The following CCDC171 variants were observed in gnomAD, a reference collection of about 807,000 sequenced individuals.
CCDC171 encodes coiled-coil domain-containing protein 171.
Under a neutral mutation model 168.2 loss-of-function variants are expected in CCDC171, and 177 were observed. The ratio of observed to expected loss-of-function variants is 1.05; its 90% CI spans 0.93 to 1.19. The LOEUF is 1.19. CCDC171 is among the 50% of genes most tolerant of loss of function. CCDC171 has a pLI of 0.00. For synonymous variants in CCDC171, 687 were observed against 540.8 expected (o/e 1.27, Z -3.75); for missense variants, 1,991 against 1,539.0 (o/e 1.29, Z -4.91).
At chr9:16,050,069 T>C (rs1330489666) in intron 1 of CCDC171, among the ~76,000 whole-genome samples, 1 of 152,136 alleles carries the variant, frequency 6.6e-6, no homozygotes, top group Non-Finnish European at 1.5e-5. Context: ...GTATTTTTAG[T>C]AGGGACAGAG....
chr9:15,647,843 T>G (rs964277174), intron 7 of CCDC171, among the ~76,000 whole-genome samples: 4 of 152,136 alleles, frequency 2.6e-5, no homozygotes, highest in Non-Finnish European at 5.9e-5. Context: ...TACCATTCCT[T>G]TTGAAACTAT....
intron 16 of CCDC171, among the ~76,000 whole-genome samples, chr9:15,741,327 T>A (rs1380230252): frequency 6.6e-6 from 1 of 152,174 alleles, no homozygotes; most frequent in African/African-American, 2.4e-5. Context: ...ACCAAAAATG[T>A]GTTTTCTGTG....
At chr9:16,035,094 A>G (rs763967105) in intron 6 of CCDC171, among the ~76,000 whole-genome samples, 1 of 152,198 alleles carries the variant, frequency 6.6e-6, no homozygotes, top group Non-Finnish European at 1.5e-5. Context: ...AAACTTAGGT[A>G]AAGCAGCATT....
the CCDC171 span, among the ~76,000 whole-genome samples, chr9:16,071,596 C>G: frequency 1.3e-5 from 2 of 152,226 alleles, no homozygotes; most frequent in African/African-American, 4.8e-5. Flanking sequence ...CACAAGCACA[C>G]GAGCACAGCT....
In CCDC171 at chr9:15,744,405, C is replaced by G. The variant is rs1293313832; in HGVS notation, c.2182C>G (p.Leu728Val). The change falls in exon 17 of 26, where the codon CTG (leucine) becomes GTG (valine). Residue 728 changes from leucine (L) to valine (V), a missense_variant. Physicochemically the swap from Leu to Val is conservative, Grantham distance 32. Transcript: ENST00000380701. ...GACTCAAAGGGAACAGATGTCCTTG[C>G]TGGCAGCCTGTGCATTAATGGCTGG... is the stretch of plus-strand genomic sequence containing the variant. ...SQTQREQMSL[L>V]AACALMAGAL... is the part of the protein sequence containing the mutation. 1 of 1,614,188 alleles carries G rather than the reference C, an allele frequency of 6.2e-7. No homozygotes were observed. The highest frequency in any genetic ancestry group is 8.5e-7 in the Non-Finnish European group (1 of 1,180,024).
At chr9:15,570,079 C>T (rs1185583996) in intron 2 of CCDC171, among the ~76,000 whole-genome samples, 1 of 152,008 alleles carries the variant, frequency 6.6e-6, no homozygotes, top group Non-Finnish European at 1.5e-5. Context: ...CAAGGATTCT[C>T]CTGCCTTTGC....
At chr9:15,951,009 G>A (rs1469776220) in intron 25 of CCDC171, among the ~76,000 whole-genome samples, 3 of 150,504 alleles carry the variant, frequency 2.0e-5, no homozygotes, top group African/African-American at 7.3e-5. Context: ...AACCAACAAA[G>A]ATCAAAAGAG....
intron 21 of CCDC171, among the ~76,000 whole-genome samples, chr9:15,838,930 C>A (rs1475201427): frequency 6.6e-6 from 1 of 152,036 alleles, no homozygotes; most frequent in African/African-American, 2.4e-5. Context: ...GCTAGGCAGT[C>A]AAATTTTAAG....
the CCDC171 span, among the ~76,000 whole-genome samples, chr9:16,092,537 T>G: frequency 5.9e-5 from 9 of 152,112 alleles, no homozygotes; most frequent in Non-Finnish European, 1.3e-4. Flanking sequence ...GGTGCAGACA[T>G]TTGCTAACAG....
intron 2 of CCDC171, among the ~76,000 whole-genome samples, chr9:15,566,980 T>C (rs575674782): frequency 6.6e-6 from 1 of 151,918 alleles, no homozygotes; most frequent in Non-Finnish European, 1.5e-5. Context: ...TATTTAAGTA[T>C]AGGTTTATTT....
intron 10 of CCDC171, among the ~76,000 whole-genome samples, chr9:15,684,799 T>G (rs2050269911): frequency 1.3e-5 from 2 of 152,236 alleles, no homozygotes; most frequent in African/African-American, 4.8e-5. Flanking sequence ...TAACCAACAT[T>G]GACTCCTCTT....
At chr9:16,095,958 T>G in the CCDC171 span, among the ~76,000 whole-genome samples, 1 of 149,564 alleles carries the variant, frequency 6.7e-6, no homozygotes, top group Non-Finnish European at 1.5e-5. Context: ...TATCTAGTGC[T>G]TAGTAGGCAT....
chr9:16,066,161 T>G (rs891081184), downstream of CCDC171, among the ~76,000 whole-genome samples: 4 of 152,164 alleles, frequency 2.6e-5, no homozygotes, highest in African/African-American at 9.7e-5. Flanking sequence ...CACTGCAGAC[T>G]AACCTCTTCT....
intron 3 of CCDC171, among the ~76,000 whole-genome samples, chr9:16,009,436 A>C (rs551110594): frequency 1.3e-5 from 2 of 152,338 alleles, no homozygotes; most frequent in South Asian, 4.1e-4. Flanking sequence ...AATTAGAAAC[A>C]TTCTTACTTA....
At chr9:15,829,636 T>C (rs1191164745) in intron 21 of CCDC171, among the ~76,000 whole-genome samples, 6 of 152,112 alleles carry the variant, frequency 3.9e-5, no homozygotes, top group Admixed American at 2.6e-4. Flanking sequence ...AAGAACTATG[T>C]AGGCTGGGCA....
At chr9:15,601,161 A>T (rs1262399444) in intron 6 of CCDC171, among the ~76,000 whole-genome samples, 7 of 152,108 alleles carry the variant, frequency 4.6e-5, no homozygotes, top group Admixed American at 3.9e-4. Context: ...CTCTCTGACA[A>T]TCCTCAGTGA....
intron 8 of CCDC171, among the ~76,000 whole-genome samples, chr9:15,662,622 G>C (rs4445326): frequency 6.6e-6 from 1 of 152,134 alleles, no homozygotes; most frequent in African/African-American, 2.4e-5. Context: ...ATTATTGTAT[G>C]TATCTTGAGC....
chr9:15,620,513 A>G (rs2044419665), intron 6 of CCDC171, among the ~76,000 whole-genome samples: 2 of 152,198 alleles, frequency 1.3e-5, no homozygotes, highest in Admixed American at 1.3e-4. Flanking sequence ...CTGCAATCTC[A>G]TGCATTCATA....
At chr9:15,740,429 TTTTG>T (rs1208570878) in intron 16 of CCDC171, among the ~76,000 whole-genome samples, 47 of 151,818 alleles carry the variant, frequency 3.1e-4, no homozygotes, top group African/African-American at 9.2e-4. Flanking sequence ...AAATAGAGGT[TTTTG>T]TTTGTGTGTG....
Sources: allele counts gnomAD v4.1 joint callset (sites outside exome capture counted in the v4.1 genomes callset), GRCh38; gene constraint gnomAD v4.1.1; transcripts MANE v1.5; gene names NCBI Gene and HGNC (gene_info 2026-07-23, HGNC 2026-07-21).